The following TTLL5 variants were observed in gnomAD, a reference collection of about 807,000 sequenced individuals.
TTLL5 encodes tubulin polyglutamylase TTLL5.
Under a neutral mutation model 168.4 loss-of-function variants are expected in TTLL5, and 132 were observed. The ratio of observed to expected loss-of-function variants is 0.78; its 90% CI spans 0.68 to 0.91. TTLL5 has a LOEUF of 0.91. TTLL5 is among the 40% of genes least tolerant of loss of function. TTLL5 has a pLI of 0.00. For missense variants in TTLL5, 1,545 were observed against 1,581.5 expected (o/e 0.98, Z 0.39); for synonymous variants, 546 against 558.6 (o/e 0.98, Z 0.32).
chr14:75,805,035 T>G (rs1893568698), intron 27 of TTLL5, among the ~76,000 whole-genome samples: 1 of 152,150 alleles, frequency 6.6e-6, no homozygotes, highest in Non-Finnish European at 1.5e-5. Flanking sequence ...TAACACACCC[T>G]TGTTGGCTCT....
At chr14:75,842,178 G>A (rs1283982965) in intron 28 of TTLL5, among the ~76,000 whole-genome samples, 1 of 152,056 alleles carries the variant, frequency 6.6e-6, no homozygotes, top group African/African-American at 2.4e-5. Flanking sequence ...CTGTCAAATT[G>A]GCATCCAAAA....
chr14:75,751,698 G>C (rs745697330), intron 17 of TTLL5, among the ~76,000 whole-genome samples: 7 of 152,184 alleles, frequency 4.6e-5, no homozygotes, highest in Non-Finnish European at 8.8e-5. Context: ...ATGGGGAGAA[G>C]ATAACCAGTC....
chr14:75,920,119 CA>C (rs2033773475), intron 31 of TTLL5, among the ~76,000 whole-genome samples: 1 of 88,252 alleles, frequency 1.1e-5, no homozygotes, highest in African/African-American at 4.0e-5. Flanking sequence ...GATCCTGTCT[CA>C]AAAGCAACAA....
At chr14:75,779,496 C>T (rs1891920124) in intron 23 of TTLL5, 79 bp from the exon 24 acceptor site, 2 of 1,572,326 alleles carry the variant, frequency 1.3e-6, no homozygotes, top group Non-Finnish European at 1.7e-6. Context: ...CCAGCTTGCT[C>T]TGTTTTCATA....
chr14:75,883,008 A>G, intron 30 of TTLL5, 106 bp downstream of exon 30: 1 of 1,208,468 alleles, frequency 8.3e-7, no homozygotes, highest in Non-Finnish European at 1.2e-6. Flanking sequence ...TACTGGAAAC[A>G]AGAACACCTG....
At chr14:75,913,523 G>A (rs2033472869) in intron 31 of TTLL5, among the ~76,000 whole-genome samples, 1 of 152,112 alleles carries the variant, frequency 6.6e-6, no homozygotes, top group Admixed American at 6.6e-5. Context: ...CTAGGGTCTA[G>A]CATAGTGCCC....
intron 3 of TTLL5, 58 bp from the exon 4 acceptor site, chr14:75,681,487 T>C (rs542766469): frequency 6.5e-6 from 9 of 1,374,340 alleles, no homozygotes; most frequent in African/African-American, 5.7e-5. Context: ...TGTTACAGTT[T>C]ATTTTTGTTT....
chr14:75,674,535 T>G (rs1361604535), intron 3 of TTLL5, among the ~76,000 whole-genome samples: 1 of 152,228 alleles, frequency 6.6e-6, no homozygotes, highest in Non-Finnish European at 1.5e-5. Context: ...TACAATATGA[T>G]TTCTCGTGTT....
At chr14:75,695,224 A>C (rs897222982) in intron 6 of TTLL5, among the ~76,000 whole-genome samples, 10 of 152,200 alleles carry the variant, frequency 6.6e-5, no homozygotes, top group African/African-American at 2.4e-4. Context: ...TAGACGGTTG[A>C]AGATAAGGGA....
intron 18 of TTLL5, among the ~76,000 whole-genome samples, chr14:75,753,506 T>G (rs558598285): frequency 3.3e-5 from 5 of 152,306 alleles, no homozygotes; most frequent in African/African-American, 1.2e-4. Context: ...ATAACTGCAT[T>G]GCAGTACAGT....
chr14:75,925,807 G>A (rs898900922), intron 31 of TTLL5, among the ~76,000 whole-genome samples: 9 of 152,124 alleles, frequency 5.9e-5, no homozygotes, highest in African/African-American at 2.2e-4. Flanking sequence ...CCGGCACCTC[G>A]GGAGGCCGAG....
At chr14:75,819,929 T>A in intron 27 of TTLL5, 78 bp from the exon 28 acceptor site, 2 of 1,477,810 alleles carry the variant, frequency 1.4e-6, no homozygotes, top group Non-Finnish European at 1.8e-6. Flanking sequence ...GGCCTTGACT[T>A]GATTTTGCCT....
At chr14:75,721,026 C>G (rs114258961) in intron 12 of TTLL5, among the ~76,000 whole-genome samples, 1,899 of 152,232 alleles carry the variant, frequency 0.012, 26 homozygotes, top group African/African-American at 0.038. Context: ...TTCCAGAGCT[C>G]CTTGGCAGCC....
chr14:75,792,092 A>G (rs1052739141), intron 26 of TTLL5, among the ~76,000 whole-genome samples: 3 of 151,890 alleles, frequency 2.0e-5, no homozygotes, highest in Non-Finnish European at 4.4e-5. Context: ...ATTTTATATT[A>G]AATAATTTCT....
intron 30 of TTLL5, among the ~76,000 whole-genome samples, chr14:75,893,943 A>C (rs1168659368): frequency 6.6e-6 from 1 of 152,194 alleles, no homozygotes; most frequent in Non-Finnish European, 1.5e-5. Context: ...TGAATCCAGA[A>C]GTATTAGGCA....
At chr14:75,710,367 C>G (rs191528204) in intron 9 of TTLL5, 2 of 150,454 alleles carry the variant, frequency 1.3e-5, no homozygotes, top group East Asian at 3.9e-4. Flanking sequence ...TAAGTATAAC[C>G]CTTTTGCTTC....
At chr14:75,685,035 A>G (rs181937894) in intron 5 of TTLL5, 1 of 152,212 alleles carries the variant, frequency 6.6e-6, no homozygotes, top group African/African-American at 2.4e-5. Context: ...ATAACATTTT[A>G]AAAATGAGGT....
intron 28 of TTLL5, among the ~76,000 whole-genome samples, chr14:75,839,535 C>T (rs1896102264): frequency 6.6e-6 from 1 of 152,152 alleles, no homozygotes; most frequent in African/African-American, 2.4e-5. Flanking sequence ...TGACAGAAGG[C>T]ACCTCTTCAC....
intron 31 of TTLL5, among the ~76,000 whole-genome samples, chr14:75,924,167 CTT>C (rs2033924645): frequency 6.6e-6 from 1 of 151,544 alleles, no homozygotes; most frequent in African/African-American, 2.4e-5. Context: ...GGTCTTGACT[CTT>C]TATCCAATTT....
Sources: allele counts gnomAD v4.1 joint callset (sites outside exome capture counted in the v4.1 genomes callset), GRCh38; gene constraint gnomAD v4.1.1; transcripts MANE v1.5; gene names NCBI Gene and HGNC (gene_info 2026-07-23, HGNC 2026-07-21).